Variants in NHS observed in about 807,000 individuals in gnomAD.
The protein encoded by NHS is actin remodeling regulator NHS.
Under a neutral mutation model 72.5 loss-of-function variants are expected in NHS, and 5 were observed. The ratio of observed to expected loss-of-function variants is 0.07; its 90% CI spans 0.04 to 0.14. The LOEUF is 0.14. Among genes scored for constraint, NHS ranks in the 10% least tolerant of loss-of-function variants. The pLI, the probability that NHS is intolerant of heterozygous loss-of-function variation, is 1.00. For missense variants in NHS, 1,072 were observed against 1,355.7 expected (o/e 0.79, Z 3.29); for synonymous variants, 464 against 547.7 (o/e 0.85, Z 2.13).
At chrX:17,600,368 A>G (rs1359190968) in intron 1 of NHS, among the ~76,000 whole-genome samples, 1 of 111,530 alleles carries the variant, frequency 9.0e-6, no homozygotes, top group East Asian at 2.8e-4. Context: ...AATGTCAGAC[A>G]GGGTGTGGAG....
At chrX:17,621,474 G>A (rs1034179657) in intron 1 of NHS, among the ~76,000 whole-genome samples, 5 of 112,123 alleles carry the variant, frequency 4.5e-5, no homozygotes, top group Admixed American at 9.4e-5. Flanking sequence ...TACAGAGGAA[G>A]AACACAAGGA....
intron 3 of NHS, among the ~76,000 whole-genome samples, chrX:17,696,809 T>C (rs909271941): frequency 9.0e-6 from 1 of 111,412 alleles, no homozygotes; most frequent in African/African-American, 3.3e-5. Context: ...AAAATAAAAC[T>C]ACACAGAAAA....
At chrX:17,561,020 G>C (rs1477771400) in intron 1 of NHS, among the ~76,000 whole-genome samples, 1 of 112,299 alleles carries the variant, frequency 8.9e-6, no homozygotes, top group Admixed American at 9.4e-5. Context: ...CTACTCAAAA[G>C]CCACTCCTAT....
chrX:17,635,148 A>G (rs2065839267), intron 1 of NHS: 1 of 249,031 alleles, frequency 4.0e-6, no homozygotes, highest in Non-Finnish European at 6.2e-6. Context: ...GTTGATGCCT[A>G]TGCTCCTAAC....
At chrX:17,450,147 C>A (rs1016236377) in intron 1 of NHS, among the ~76,000 whole-genome samples, 3 of 111,662 alleles carry the variant, frequency 2.7e-5, no homozygotes, top group African/African-American at 9.8e-5. Flanking sequence ...TCTGCAAGGA[C>A]CATTTCATGC....
At chrX:17,680,251 A>G (rs2066118972) in intron 1 of NHS, among the ~76,000 whole-genome samples, 1 of 112,607 alleles carries the variant, frequency 8.9e-6, no homozygotes, top group South Asian at 3.6e-4. Flanking sequence ...TGCAGAAGCT[A>G]GGCTGATTAT....
At chrX:17,392,354 A>G (rs930550522) in intron 1 of NHS, among the ~76,000 whole-genome samples, 2 of 112,271 alleles carry the variant, frequency 1.8e-5, no homozygotes, top group African/African-American at 6.5e-5. Context: ...GATTTAGGGG[A>G]TATTTGTTAC....
chrX:17,646,469 C>G (rs1240936395), intron 1 of NHS, among the ~76,000 whole-genome samples: 1 of 111,874 alleles, frequency 8.9e-6, no homozygotes, highest in Non-Finnish European at 1.9e-5. Flanking sequence ...CTGGTCATTT[C>G]TCTTTCCTGC....
intron 1 of NHS, among the ~76,000 whole-genome samples, chrX:17,631,926 C>T (rs1335463831): frequency 8.9e-6 from 1 of 111,931 alleles, no homozygotes; most frequent in African/African-American, 3.2e-5. Context: ...TCTAAGATAG[C>T]TGCTGGAGTG....
intron 1 of NHS, among the ~76,000 whole-genome samples, chrX:17,651,295 A>G (rs1024842660): frequency 4.4e-5 from 5 of 112,464 alleles, no homozygotes; most frequent in Non-Finnish European, 9.4e-5. Flanking sequence ...CCAAGGAAAG[A>G]GCATGGAAAT....
chrX:17,725,902 A>G lies in NHS; in HGVS notation c.1796A>G (p.Asn599Ser), dbSNP rs146714987. 1.7e-4 allele frequency: 201 copies of G among 1,209,033 alleles called. No homozygotes were observed. Among genetic ancestry groups the G allele is most frequent in the Non-Finnish European group, 2.2e-4 (195 of 894,933 alleles). Residue 599 changes from asparagine (N) to serine (S), a missense_variant, in exon 7 of 9, where the codon AAC becomes AGC. Asn to Ser is a conservative substitution (Grantham distance 46). Transcript: ENST00000676302. ...TCTGGCAGCTGTGACATCTCCTCCA[A>G]CTCAGACACGTTTGGGAGCCCCATC... The part of the protein sequence containing the change: ...ADSGSCDISS[N>S]SDTFGSPIHC...
chrX:17,587,427 G>C (rs975816698), intron 1 of NHS, among the ~76,000 whole-genome samples: 1 of 112,367 alleles, frequency 8.9e-6, no homozygotes, highest in African/African-American at 3.2e-5. Context: ...AGTGCCTTTC[G>C]GGCTGAAGCC....
chrX:17,443,974 G>C (rs1265793505), intron 1 of NHS, among the ~76,000 whole-genome samples: 5 of 111,437 alleles, frequency 4.5e-5, no homozygotes, highest in Admixed American at 2.9e-4. Context: ...GTGTATAGAA[G>C]TAAGGGAGCC....
chrX:17,376,028 G>A lies in NHS; in HGVS notation c.271G>A (p.Ala91Thr). 1 of 1,082,929 alleles carries A rather than the reference G, an allele frequency of 9.2e-7. No individual in the cohort carries two copies. Among genetic ancestry groups the A allele is most frequent in the Non-Finnish European group, 1.2e-6 (1 of 837,669 alleles). 89.2% of individuals were successfully genotyped at this position (1,082,929 alleles called of 1,213,427 possible). A position where few individuals can be genotyped will look rare whatever the true frequency, so the allele number is the denominator to read the frequency against. The change falls in exon 1 of 9, where the codon GCT becomes ACT. Residue 91 changes from alanine to threonine, a missense_variant. By Grantham distance (58) the Ala-to-Thr change is moderately conservative. Transcript: ENST00000676302. ...TQPPHGEASV[A>T]GEESTAGIPE... ...GCCGCCGCACGGAGAGGCGTCCGTG[G>A]CTGGCGAGGAGAGCACGGCGGGGAT...
chrX:17,523,177 T>TG (rs1322890183), intron 1 of NHS, among the ~76,000 whole-genome samples: 2 of 111,558 alleles, frequency 1.8e-5, no homozygotes, highest in Non-Finnish European at 1.9e-5. Context: ...GGGGTGGTAG[T>TG]GGGGAAGTAC....
intron 1 of NHS, among the ~76,000 whole-genome samples, chrX:17,627,203 G>A (rs1217315463): frequency 5.3e-5 from 6 of 112,187 alleles, no homozygotes; most frequent in Non-Finnish European, 5.6e-5. Context: ...AAAAGGAACT[G>A]GAAAGCTTCT....
intron 1 of NHS, among the ~76,000 whole-genome samples, chrX:17,647,365 A>C (rs1288219301): frequency 8.9e-6 from 1 of 112,574 alleles, no homozygotes; most frequent in African/African-American, 3.2e-5. Flanking sequence ...AAATTCCAAC[A>C]TACAGTCAAG....
chrX:17,612,471 C>G (rs1020094552), intron 1 of NHS, among the ~76,000 whole-genome samples: 13 of 110,828 alleles, frequency 1.2e-4, no homozygotes, highest in Admixed American at 4.8e-4. Flanking sequence ...ACATCTCTCC[C>G]AGCCTTCCTT....
At chrX:17,538,001 C>T (rs925520238) in intron 1 of NHS, among the ~76,000 whole-genome samples, 2 of 112,076 alleles carry the variant, frequency 1.8e-5, no homozygotes, top group African/African-American at 3.2e-5. Context: ...GGGCTTCCTG[C>T]TCAGCCTGGC....
Sources: gnomAD v4.1 joint callset for allele counts (sites outside exome capture counted in the v4.1 genomes callset) on GRCh38, gnomAD v4.1.1 for gene constraint, MANE v1.5 for transcripts, NCBI Gene and HGNC (gene_info 2026-07-23, HGNC 2026-07-21) for gene names.